SIAH3: variants seen among roughly 807,000 people sequenced by gnomAD.
SIAH3 encodes the protein seven in absentia homolog 3.
In SIAH3, 9 loss-of-function variants were observed where a neutral mutation model predicts 12.6. That is an observed-to-expected ratio of 0.72 (90% CI 0.43 to 1.25). The LOEUF (loss-of-function observed/expected upper bound fraction) is 1.25. SIAH3 is among the 50% of genes most tolerant of loss of function. SIAH3 has a pLI of 0.00. For missense variants in SIAH3, 390 were observed against 365.4 expected, an observed-to-expected ratio of 1.07 and a Z score of -0.55; for synonymous variants, 154 against 151.1, an observed-to-expected ratio of 1.02 and a Z score of -0.14.
chr13:45,846,174 C>T (rs1209018572), intron 1 of SIAH3, among the ~76,000 whole-genome samples: 1 of 139,656 alleles, frequency 7.2e-6, no homozygotes. Flanking sequence ...ACTGCAACGT[C>T]TGCCTCCCGG....
chr13:45,848,243 G>A (rs903697826), intron 1 of SIAH3, among the ~76,000 whole-genome samples: 1 of 152,214 alleles, frequency 6.6e-6, no homozygotes, highest in East Asian at 1.9e-4. Flanking sequence ...GTGGAAAGAA[G>A]TGGGGGCACC....
At chr13:45,804,665 G>A (rs61955371) in intron 1 of SIAH3, among the ~76,000 whole-genome samples, 1 of 152,084 alleles carries the variant, frequency 6.6e-6, no homozygotes, top group Non-Finnish European at 1.5e-5. Flanking sequence ...ACACGACAAG[G>A]ATGGCCACTC....
intron 1 of SIAH3, 72 bp downstream of exon 1, chr13:45,851,423 G>C (rs1351986573): frequency 1.3e-6 from 2 of 1,595,658 alleles, no homozygotes; most frequent in East Asian, 2.2e-5. Context: ...ACGTTCGCCG[G>C]AGGGTCGCTG....
chr13:45,835,235 A>C (rs918645462), intron 1 of SIAH3, among the ~76,000 whole-genome samples: 9 of 152,208 alleles, frequency 5.9e-5, no homozygotes, highest in African/African-American at 2.2e-4. Context: ...CTCTCCAAAA[A>C]TGAAACTTGA....
At chr13:45,790,097 G>C (rs184350222) in intron 1 of SIAH3, among the ~76,000 whole-genome samples, 7 of 152,266 alleles carry the variant, frequency 4.6e-5, no homozygotes, top group Non-Finnish European at 1.0e-4. Context: ...CTGGTGCTCT[G>C]ATGCCACTTC....
intron 1 of SIAH3, among the ~76,000 whole-genome samples, chr13:45,804,816 C>T (rs921953124): frequency 2.0e-5 from 3 of 151,982 alleles, no homozygotes; most frequent in Non-Finnish European, 2.9e-5. Flanking sequence ...ACCTAGAAAA[C>T]CCTAAAGGCT....
intron 1 of SIAH3, among the ~76,000 whole-genome samples, chr13:45,827,545 C>T (rs1950683240): frequency 6.6e-6 from 1 of 152,178 alleles, no homozygotes; most frequent in East Asian, 1.9e-4. Context: ...TCCAGGAGGT[C>T]ACAGAGTTCT....
At chr13:45,814,180 A>T in intron 1 of SIAH3, among the ~76,000 whole-genome samples, 1 of 143,942 alleles carries the variant, frequency 6.9e-6, no homozygotes, top group Non-Finnish European at 1.5e-5. Context: ...CGGAGCTTGC[A>T]GTGAGCCGAG....
chr13:45,783,357 G>T lies in SIAH3; in HGVS notation c.*26C>A, dbSNP rs766599278. On this transcript the variant is annotated 3_prime_UTR_variant, in exon 2 of 2. Transcript: ENST00000400405. Reference sequence around the variant, plus strand: ...CCCAGGCGTTTCCTAGGGAGGCTGTGTGGGGAGCATCCGTGGCTCCTGGCC... The same window carrying T: ...CCCAGGCGTTTCCTAGGGAGGCTGTTTGGGGAGCATCCGTGGCTCCTGGCC... The T allele has an allele frequency of 3.1e-6, 5 of 1,590,676 alleles. No homozygotes were observed. Among genetic ancestry groups the T allele is most frequent in the Non-Finnish European group, 4.3e-6 (5 of 1,163,890 alleles).
chr13:45,827,393 A>C (rs1488729357), intron 1 of SIAH3, among the ~76,000 whole-genome samples: 2 of 151,846 alleles, frequency 1.3e-5, no homozygotes, highest in Non-Finnish European at 2.9e-5. Context: ...GAAACCATCT[A>C]CCCCCAGGCT....
At chr13:45,838,438 G>C (rs1350191357) in intron 1 of SIAH3, among the ~76,000 whole-genome samples, 2 of 152,140 alleles carry the variant, frequency 1.3e-5, no homozygotes, top group Non-Finnish European at 2.9e-5. Flanking sequence ...GCTTCAATGA[G>C]GCAGCTTCTT....
chr13:45,808,325 C>A (rs772037928), intron 1 of SIAH3, among the ~76,000 whole-genome samples: 1 of 152,180 alleles, frequency 6.6e-6, no homozygotes, highest in African/African-American at 2.4e-5. Context: ...AGACTATTAT[C>A]CAACTCAGCA....
At chr13:45,807,432 A>G (rs1482770001) in intron 1 of SIAH3, among the ~76,000 whole-genome samples, 1 of 152,238 alleles carries the variant, frequency 6.6e-6, no homozygotes, top group African/African-American at 2.4e-5. Context: ...ATGGTGATTC[A>G]AGTGCATGAG....
At chr13:45,808,591 G>A (rs1248366529) in intron 1 of SIAH3, among the ~76,000 whole-genome samples, 6 of 152,090 alleles carry the variant, frequency 3.9e-5, no homozygotes, top group African/African-American at 7.2e-5. Flanking sequence ...TACATTCTGT[G>A]TAGTTATATG....
chr13:45,840,830 C>T (rs78695765), intron 1 of SIAH3, among the ~76,000 whole-genome samples: 8,300 of 152,220 alleles, frequency 0.055, 609 homozygotes, highest in African/African-American at 0.15. Context: ...TATCAAGACG[C>T]GCTTTAAAGC....
chr13:45,798,279 C>T (rs1000081178), intron 1 of SIAH3, among the ~76,000 whole-genome samples: 2 of 152,218 alleles, frequency 1.3e-5, no homozygotes, highest in Admixed American at 1.3e-4. Context: ...TGCTTTTCAG[C>T]AGGGCCCATT....
chr13:45,813,210 G>A (rs570251095), intron 1 of SIAH3, among the ~76,000 whole-genome samples: 60 of 150,540 alleles, frequency 4.0e-4, no homozygotes, highest in African/African-American at 1.3e-3. Flanking sequence ...ACTGAGTCCC[G>A]GACCCAGTGG....
intron 1 of SIAH3, among the ~76,000 whole-genome samples, chr13:45,814,389 G>A (rs1010256694): frequency 2.0e-5 from 3 of 152,054 alleles, no homozygotes; most frequent in African/African-American, 2.4e-5. Flanking sequence ...AAAGTGCCAC[G>A]GTGTGGGGTG....
At chr13:45,791,368 G>A (rs1037288351) in intron 1 of SIAH3, among the ~76,000 whole-genome samples, 2 of 152,126 alleles carry the variant, frequency 1.3e-5, no homozygotes, top group African/African-American at 2.4e-5. Flanking sequence ...TTTAATATAT[G>A]CTGCTTGAAT....
Sources: allele counts gnomAD v4.1 joint callset (sites outside exome capture counted in the v4.1 genomes callset), GRCh38; gene constraint gnomAD v4.1.1; transcripts MANE v1.5; gene names NCBI Gene and HGNC (gene_info 2026-07-23, HGNC 2026-07-21).